PHACTR2: variants seen among roughly 807,000 people sequenced by gnomAD.
PHACTR2 encodes the protein chromosome 6 open reading frame 56.
In PHACTR2, 30 loss-of-function variants were observed where a neutral mutation model predicts 76.0. That is an observed-to-expected ratio of 0.39 (90% CI 0.30 to 0.54). The LOEUF (loss-of-function observed/expected upper bound fraction) is 0.54. Ranked by LOEUF, PHACTR2 falls within the 20% of genes least tolerant of loss-of-function variation. PHACTR2 has a pLI of 0.61. For missense variants in PHACTR2, 696 were observed against 781.1 expected, an observed-to-expected ratio of 0.89 and a Z score of 1.30; for synonymous variants, 292 against 292.5, an observed-to-expected ratio of 1.00 and a Z score of 0.02.
rs1294047217 is a variant in PHACTR2 at position 143,548,068 on chromosome 6, T to C, written c.217+10861T>C. Among the ~76,000 whole-genome samples the C allele has an allele frequency of 2.6e-5, 4 of 152,192 alleles. No homozygotes were observed. Among genetic ancestry groups the C allele is most frequent in the African/African-American group, 7.2e-5 (3 of 41,448 alleles). On this transcript the variant is annotated intron_variant, in intron 1 of 11. Transcript: ENST00000367584. The surrounding 1 kb of genome is among the most constrained non-coding windows in gnomAD (Gnocchi z 4.5). Reference sequence around the variant, plus strand: ...AAATAAGAGAAGTTTATTTCTCTTATTATGTCTCACAGTTCTGGAGGCTGG... The same window carrying C: ...AAATAAGAGAAGTTTATTTCTCTTACTATGTCTCACAGTTCTGGAGGCTGG...
At position 143,780,316 on chromosome 6, in the gene PHACTR2, A is replaced by T. The variant is rs542824079; in HGVS notation, c.1646-2903A>T. 6.6e-6 allele frequency among the ~76,000 whole-genome samples: 1 copy of T among 152,228 alleles called. No individual in the cohort carries two copies. The highest frequency in any genetic ancestry group is 2.1e-4 in the South Asian group (1 of 4,826). ...TATGTGTGTCTTTTTCATTTGCTAA[A>T]AACACCCATATGAGGCCAGGTAAGG... On this transcript the variant is annotated intron_variant, in intron 9 of 12. Transcript: ENST00000440869. The surrounding 1 kb of genome is among the most constrained non-coding windows in gnomAD (Gnocchi z 4.4).
chr6:143,632,534 A>G (rs899036572), intron 1 of PHACTR2, among the ~76,000 whole-genome samples: 3 of 152,164 alleles, frequency 2.0e-5, no homozygotes, highest in Non-Finnish European at 2.9e-5. Flanking sequence ...CCCCCCGACT[A>G]TGGACATCCA....
chr6:143,673,157 G>T (rs1211195947), upstream of PHACTR2, among the ~76,000 whole-genome samples: 1 of 152,138 alleles, frequency 6.6e-6, no homozygotes, highest in Non-Finnish European at 1.5e-5. Flanking sequence ...ATGCCCATGT[G>T]CTAGAGGTAC....
chr6:143,537,159 T>C lies in PHACTR2; in HGVS notation c.169T>C (p.Ser57Pro). The stretch of plus-strand genomic sequence containing the variant: ...CGGCCGCTCACAGAGCGACCTCTCG[T>C]CGTCCTCGAGCAGGGGCCGCCCGCT... The change falls in exon 1 of 12, where the codon TCG (serine) becomes CCG (proline). Residue 57 changes from serine to proline, a missense_variant. Physicochemically the swap from Ser to Pro is moderately conservative, Grantham distance 74. Transcript: ENST00000367584. The surrounding 1 kb of genome is among the most constrained non-coding windows in gnomAD (Gnocchi z 4.4). 2 of 330,708 alleles carry C rather than the reference T, an allele frequency of 6.0e-6. No homozygotes were observed. The highest frequency in any genetic ancestry group is 1.2e-5 in the Non-Finnish European group (2 of 169,058). The allele number at this position is 330,708 out of a possible 1,614,324, so 20.5% of individuals were successfully genotyped here. A position where few individuals can be genotyped will look rare whatever the true frequency, so the allele number is the denominator to read the frequency against.
chr6:143,608,419 T>C lies in PHACTR2; in HGVS notation c.13+97T>C. The C allele has an allele frequency of 8.1e-7, 1 of 1,236,640 alleles. No homozygotes were observed. Among genetic ancestry groups the C allele is most frequent in the Non-Finnish European group, 1.2e-6 (1 of 844,502 alleles). The allele number at this position is 1,236,640 out of a possible 1,614,324, so 76.6% of individuals were successfully genotyped here. ...GTTTGCCTATTTGTTGCTCTCGTTT[T>C]GCACTTAAATGTTCAAGACTGAGAC... is the stretch of plus-strand genomic sequence containing the variant. On this transcript the variant is annotated intron_variant, in intron 1 of 11. Coordinates refer to the PHACTR2 transcript ENST00000305766. The surrounding 1 kb of genome is among the most constrained non-coding windows in gnomAD (Gnocchi z 4.6).
At chr6:143,574,011 T>TCTCTGCTTAGGGTCTTGCCAG (rs1380304416) in intron 1 of PHACTR2, among the ~76,000 whole-genome samples, 28 of 152,238 alleles carry the variant, frequency 1.8e-4, no homozygotes, top group Non-Finnish European at 4.4e-5. Flanking sequence ...TCAGCTGGGT[T>TCTCTGCTTAGGGTCTTGCCAG]CTCTGCTTAG....
At chr6:143,674,844 T>C (rs1348897643), upstream of PHACTR2, among the ~76,000 whole-genome samples, 1 of 152,226 alleles carries the variant, frequency 6.6e-6, no homozygotes, top group African/African-American at 2.4e-5. This position sits in a 1 kb window ranked among gnomAD's most constrained non-coding sequence, Gnocchi z 4.9. Context: ...ACTGTAGTAA[T>C]TGTAAACCAT....
chr6:143,579,145 C>T (rs1183366884), intron 1 of PHACTR2, among the ~76,000 whole-genome samples: 1 of 152,102 alleles, frequency 6.6e-6, no homozygotes, highest in Non-Finnish European at 1.5e-5. Context: ...CTCAAGTGAT[C>T]CCCCCACCTT....
At chr6:143,694,020 G>A (rs1024559430) in intron 1 of PHACTR2, among the ~76,000 whole-genome samples, 3 of 151,828 alleles carry the variant, frequency 2.0e-5, no homozygotes, top group Non-Finnish European at 4.4e-5. Flanking sequence ...GGTGATCCTT[G>A]ATCACACCAC....
rs1224242612 is a variant in PHACTR2, at chr6:143,731,938, G to A, written c.215-17047G>A. 6.6e-6 allele frequency among the ~76,000 whole-genome samples: 1 copy of A among 152,220 alleles called. No homozygotes were observed. Among genetic ancestry groups the A allele is most frequent in the African/African-American group, 2.4e-5 (1 of 41,458 alleles). On this transcript the variant is annotated intron_variant, in intron 2 of 12. Transcript: ENST00000440869. The surrounding 1 kb of genome is among the most constrained non-coding windows in gnomAD (Gnocchi z 4.9). ...AGGTGATCTCTTTTAACTTGGGTAAGTTTAAGCAGGCCCTCTGGTGCTTTG... is the reference window on the plus strand; with the variant it reads ...AGGTGATCTCTTTTAACTTGGGTAAATTTAAGCAGGCCCTCTGGTGCTTTG...
chr6:143,628,188 C>T (rs1221596492), intron 1 of PHACTR2, among the ~76,000 whole-genome samples: 1 of 152,164 alleles, frequency 6.6e-6, no homozygotes, highest in Non-Finnish European at 1.5e-5. Flanking sequence ...TTTCTCTATT[C>T]ATTTGCTAAA....
In PHACTR2 at chr6:143,601,172, A is replaced by T. The variant is rs558754441; in HGVS notation, c.217+63965A>T. The stretch of plus-strand genomic sequence containing the variant: ...TAAATAGTCAATGTTCAAAAAATGA[A>T]AGCTGTGGTCTCTGGCTTGAGACTC... On this transcript the variant is annotated intron_variant, in intron 1 of 11. Transcript: ENST00000367584. 3.3e-5 allele frequency among the ~76,000 whole-genome samples: 5 copies of T among 152,330 alleles called. No individual in the cohort carries two copies. In the East Asian group the frequency reaches 9.6e-4, roughly 29 times the overall value.
At chr6:143,813,829 T>C (rs1449137268) in intron 12 of PHACTR2, among the ~76,000 whole-genome samples, 3 of 152,108 alleles carry the variant, frequency 2.0e-5, no homozygotes, top group African/African-American at 4.8e-5. Context: ...GACTGAGATA[T>C]TCACATACAG....
chr6:143,704,898 G>A (rs534325393), intron 1 of PHACTR2, among the ~76,000 whole-genome samples: 15 of 152,056 alleles, frequency 9.9e-5, no homozygotes, highest in Admixed American at 5.9e-4. Flanking sequence ...GCGCGATCTC[G>A]GCTCACTGCA....
intron 2 of PHACTR2, among the ~76,000 whole-genome samples, chr6:143,713,441 A>C (rs1778228587): frequency 6.6e-6 from 1 of 152,140 alleles, no homozygotes; most frequent in East Asian, 1.9e-4. Flanking sequence ...GATATTGGAA[A>C]ATTTCTGTAA....
intron 3 of PHACTR2, 27 bp downstream of exon 3, chr6:143,749,092 A>G (rs1326696755): frequency 1.7e-6 from 2 of 1,209,348 alleles, no homozygotes; most frequent in South Asian, 1.3e-5. Flanking sequence ...TACATTTTAA[A>G]TATTTTGGTC....
At position 143,807,080 on chromosome 6, in the gene PHACTR2, T is replaced by C. The variant is rs959932688; in HGVS notation, c.1869T>C (p.Asn623=). The stretch of plus-strand genomic sequence containing the variant: ...AGGCAGCAATAAGGAAAGAACTAAA[T>C]GAATTTAAAAGCACAGAAATGGAAG... ...ADKAAIRKEL[N]EFKSTEMEVH... Residue 623 remains asparagine, a synonymous_variant, in exon 12 of 13, where the codon AAT becomes AAC. Transcript: ENST00000440869. This position sits in a 1 kb window ranked among gnomAD's most constrained non-coding sequence, Gnocchi z 5.5. The C allele has an allele frequency of 6.2e-7, 1 of 1,605,088 alleles. No homozygotes were observed. The highest frequency in any genetic ancestry group is 1.3e-5 in the African/African-American group (1 of 74,766).
In PHACTR2 at chr6:143,627,576, A is replaced by G. The variant is rs1238800193; in HGVS notation, c.13+19254A>G. On this transcript the variant is annotated intron_variant, in intron 1 of 11. Coordinates refer to the PHACTR2 transcript ENST00000305766. The surrounding 1 kb of genome is among the most constrained non-coding windows in gnomAD (Gnocchi z 4.3). Reference sequence around the variant, plus strand: ...AGTGTCCAATTCAGTGGCATTCAGTACATTCACAATGTTGTACAACCACCA... The same window carrying G: ...AGTGTCCAATTCAGTGGCATTCAGTGCATTCACAATGTTGTACAACCACCA... 6.6e-6 allele frequency among the ~76,000 whole-genome samples: 1 copy of G among 150,502 alleles called. No homozygotes were observed. Among genetic ancestry groups the G allele is most frequent in the Non-Finnish European group, 1.5e-5 (1 of 67,798 alleles).
Position 143,558,694 on chromosome 6 carries a change from G to A in PHACTR2, c.217+21487G>A, listed in dbSNP as rs568118234. Reference sequence around the variant, plus strand: ...CTGTAGTGCTAAGATACATTCATGCGTTTTTCCAATGCGAGGAGGTAGAGA... The same window carrying A: ...CTGTAGTGCTAAGATACATTCATGCATTTTTCCAATGCGAGGAGGTAGAGA... On this transcript the variant is annotated intron_variant, in intron 1 of 11. Coordinates refer to the PHACTR2 transcript ENST00000367584. This position sits in a 1 kb window ranked among gnomAD's most constrained non-coding sequence, Gnocchi z 4.7. Among the ~76,000 whole-genome samples, 15 of 152,294 alleles carry A rather than the reference G, an allele frequency of 9.8e-5. No individual in the cohort carries two copies. The highest frequency in any genetic ancestry group is 1.9e-4 in the East Asian group (1 of 5,176).
Sources: allele counts gnomAD v4.1 joint callset (sites outside exome capture counted in the v4.1 genomes callset), GRCh38; gene constraint gnomAD v4.1.1; non-coding constraint Gnocchi (gnomAD v3.1); transcripts MANE v1.5; gene names NCBI Gene and HGNC (gene_info 2026-07-23, HGNC 2026-07-21).